Variants in KHK observed in about 807,000 individuals in gnomAD.
KHK encodes the protein ketohexokinase.
KHK carries 37 observed loss-of-function variants against 36.0 expected under a neutral mutation model. That is an observed-to-expected ratio of 1.03 (90% CI 0.79 to 1.35). The LOEUF is 1.35. Among genes scored for constraint, KHK ranks in the 40% most tolerant of loss-of-function variants. The probability of loss-of-function intolerance (pLI) is 0.00; values close to 1 mark genes in which losing one functional copy is unlikely to be tolerated. For missense variants in KHK, 395 were observed against 391.9 expected, an observed-to-expected ratio of 1.01 and a Z score of -0.07; for synonymous variants, 161 against 162.8, an observed-to-expected ratio of 0.99 and a Z score of 0.08.
In KHK at chr2:27,087,189, T is replaced by A; in HGVS notation, c.-71T>A. 7.5e-7 allele frequency: 1 copy of A among 1,334,102 alleles called. No individual in the cohort carries two copies. The highest frequency in any genetic ancestry group is 1.1e-6 in the Non-Finnish European group (1 of 951,574). The allele number at this position is 1,334,102 out of a possible 1,614,324, so 82.6% of individuals were successfully genotyped here. A position where few individuals can be genotyped will look rare whatever the true frequency, so the allele number is the denominator to read the frequency against. On this transcript the variant is annotated 5_prime_UTR_variant, in exon 1 of 8. Coordinates refer to ENST00000260598, the MANE Select transcript of KHK (RefSeq NM_006488.3). ...GCAGCTGGGAGCGGGGACACCATCC[T>A]CCTGGATAAGAGGCAGAGGCCGGGA...
At chr2:27,092,566 G>T (rs139501442) in intron 2 of KHK, 118 bp downstream of exon 2, 5 of 771,026 alleles carry the variant, frequency 6.5e-6, no homozygotes, top group African/African-American at 3.4e-5. Flanking sequence ...CAGCAGAAAC[G>T]CGGGGAGGGG....
rs886055892 is a variant in KHK at position 27,099,909 on chromosome 2, G to C, written c.*159G>C. 4.0e-6 allele frequency: 6 copies of C among 1,490,816 alleles called. No individual in the cohort carries two copies. The highest frequency in any genetic ancestry group is 2.5e-5 in the East Asian group (1 of 40,662). 92.3% of individuals were successfully genotyped at this position (1,490,816 alleles called of 1,614,324 possible). On this transcript the variant is annotated 3_prime_UTR_variant, in exon 8 of 8. Coordinates refer to ENST00000260598, the MANE Select transcript of KHK (RefSeq NM_006488.3). ...TGTCCTGTGTTCCCCACAGGGAGAG[G>C]CTCTGGGGGGATGGCTGGGGGATGC...
chr2:27,090,686 C>T (rs1669948107), intron 1 of KHK, among the ~76,000 whole-genome samples: 1 of 151,748 alleles, frequency 6.6e-6, no homozygotes, highest in African/African-American at 2.4e-5. Flanking sequence ...AACTCCTGAC[C>T]TCGTGATCCA....
rs200769127 is a variant in KHK at position 27,087,307 on chromosome 2, C to T, written c.48C>T (p.Val16=). The stretch of plus-strand genomic sequence containing the variant: ...GCGTGGGGCTAGTGGTGCTGGACGT[C>T]ATCAGCCTGGTGGACAAGTACCCTA... ...ILCVGLVVLD[V]ISLVDKYPKE... is the part of the protein sequence containing the mutation. The change falls in exon 1 of 8, where the codon GTC becomes GTT. Residue 16 remains valine, a synonymous_variant. Coordinates refer to ENST00000260598, the MANE Select transcript of KHK (RefSeq NM_006488.3). The T allele has an allele frequency of 3.7e-4, 593 of 1,601,186 alleles. No homozygotes were observed. Among genetic ancestry groups the T allele is most frequent in the Non-Finnish European group, 4.8e-4 (559 of 1,173,608 alleles).
rs1450784155 is a variant in KHK at position 27,100,724 on chromosome 2, A to AATCAT, written c.*977_*981dup. On this transcript the variant is annotated 3_prime_UTR_variant, in exon 8 of 8. Coordinates refer to ENST00000260598, the MANE Select transcript of KHK (RefSeq NM_006488.3). ...GGCTACAGAATTATTGTGAGGATAA[A>AATCAT]ATCATATATAAAATGCCCAGCATGA... The AATCAT allele has an allele frequency of 9.7e-6, 11 of 1,132,100 alleles. No homozygotes were observed. Among genetic ancestry groups the AATCAT allele is most frequent in the Non-Finnish European group, 1.2e-5 (11 of 891,180 alleles). The allele number at this position is 1,132,100 out of a possible 1,614,324, so 70.1% of individuals were successfully genotyped here.
chr2:27,097,667 CCT>C lies in KHK; in HGVS notation c.564+23_564+24del, dbSNP rs59394323. ...GAGACGTGGTGGGTGCCCCATTCAG[CCT>C]CTCTTTGCCACTTCCAGCTAATTTG... On this transcript the variant is annotated intron_variant, in intron 5 of 7. Transcript: ENST00000260598. 5,229 of 1,613,920 alleles carry C rather than the reference CCT, an allele frequency of 3.2e-3. 177 individuals carry two copies. The African/African-American group carries it at 0.063, about 19-fold the overall frequency.
chr2:27,094,936 T>C lies in KHK; in HGVS notation c.344+2T>C. The C allele has an allele frequency of 6.2e-7, 1 of 1,613,844 alleles. No individual in the cohort carries two copies. The highest frequency in any genetic ancestry group is 8.5e-7 in the Non-Finnish European group (1 of 1,180,036). On this transcript the variant is annotated splice_donor_variant, in intron 3 of 7. Transcript: ENST00000260598. LOFTEE classifies it high-confidence loss of function. ...CCGTACCATTGTGCTCCATGACACG[T>C]AAGGCCCCCGGGCCTCGCCCTGCTA...
intron 3 of KHK, among the ~76,000 whole-genome samples, chr2:27,096,007 T>C (rs776864377): frequency 6.6e-6 from 1 of 152,238 alleles, no homozygotes; most frequent in Non-Finnish European, 1.5e-5. Context: ...TGCAGCAGGC[T>C]GCAAGGGGGC....
chr2:27,099,976 C>A lies in KHK; in HGVS notation c.*226C>A, dbSNP rs1197199612. On this transcript the variant is annotated 3_prime_UTR_variant, in exon 8 of 8. Transcript: ENST00000260598. ...TAAATCTTCCTCAGAGCCAGCTTCT[C>A]CTCTCAATGTCTGAACTGCTCTGGC... The A allele has an allele frequency of 2.0e-5, 18 of 912,840 alleles. No homozygotes were observed. Among genetic ancestry groups the A allele is most frequent in the Non-Finnish European group, 3.0e-5 (18 of 591,984 alleles). The allele number at this position is 912,840 out of a possible 1,614,324, so 56.5% of individuals were successfully genotyped here. A position where few individuals can be genotyped will look rare whatever the true frequency, so the allele number is the denominator to read the frequency against.
chr2:27,092,352 A>T lies in KHK; in HGVS notation c.113A>T (p.Gln38Leu). 6.2e-7 allele frequency: 1 copy of T among 1,613,244 alleles called. No homozygotes were observed. The highest frequency in any genetic ancestry group is 8.5e-7 in the Non-Finnish European group (1 of 1,179,994). The stretch of plus-strand genomic sequence containing the variant: ...TGCAGGTGTTTGTCCCAGAGATGGC[A>T]GCGCGGAGGCAACGCGTCCAACTCC... ...SEIRCLSQRWQRGGNASNSCT... is the reference protein window; with the variant it reads ...SEIRCLSQRWLRGGNASNSCT... Residue 38 changes from glutamine to leucine, a missense_variant, in exon 2 of 8, where the codon CAG becomes CTG. Transcript: ENST00000260598.
chr2:27,099,071 G>A, intron 5 of KHK, 125 bp from the exon 6 acceptor site: 1 of 861,262 alleles, frequency 1.2e-6, no homozygotes. Context: ...GGGACAGTGA[G>A]ATGCTACGTT....
At chr2:27,087,512 A>T (rs917582678) in intron 1 of KHK, among the ~76,000 whole-genome samples, 161 bp downstream of exon 1, 3 of 152,270 alleles carry the variant, frequency 2.0e-5, no homozygotes, top group Non-Finnish European at 4.4e-5. Context: ...GGCTCCCAGC[A>T]TGACAGAAGA....
At chr2:27,093,080 G>A (rs542329470) in intron 2 of KHK, among the ~76,000 whole-genome samples, 1 of 152,302 alleles carries the variant, frequency 6.6e-6, no homozygotes, top group South Asian at 2.1e-4. Flanking sequence ...TGGCGCTGCC[G>A]ACTCAGCAAG....
intron 1 of KHK, among the ~76,000 whole-genome samples, chr2:27,090,086 A>C (rs1669898623): frequency 6.6e-6 from 1 of 152,248 alleles, no homozygotes; most frequent in South Asian, 2.1e-4. Flanking sequence ...TCCCGACGTC[A>C]GGCGATCCGC....
chr2:27,087,649 G>A (rs1452470831), intron 1 of KHK, among the ~76,000 whole-genome samples: 1 of 152,222 alleles, frequency 6.6e-6, no homozygotes, highest in Non-Finnish European at 1.5e-5. Flanking sequence ...TTACTGATAA[G>A]TATAGATTCA....
rs534398324 is a variant in KHK, at chr2:27,092,417, A to C, written c.178A>C (p.Met60Leu). 3.7e-6 allele frequency: 6 copies of C among 1,613,384 alleles called. No individual in the cohort carries two copies. In the East Asian group the frequency reaches 1.3e-4, roughly 36 times the overall value. ...LSLLGAPCAF[M>L]GSMAPGHVAD... The stretch of plus-strand genomic sequence containing the variant: ...CCTGCTCGGAGCCCCCTGTGCCTTC[A>C]TGGGCTCAATGGCTCCTGGCCATGT... Residue 60 changes from methionine to leucine, a missense_variant, in exon 2 of 8, where the codon ATG becomes CTG. By Grantham distance (15) the Met-to-Leu change is conservative. Transcript: ENST00000260598.
In KHK at chr2:27,097,765, T is replaced by C. The variant is rs1670470159; in HGVS notation, c.564+116T>C. The C allele has an allele frequency of 2.1e-6, 3 of 1,439,606 alleles. No homozygotes were observed. The Admixed American group carries it at 5.1e-5, about 25-fold the overall frequency. The allele number at this position is 1,439,606 out of a possible 1,614,324, so 89.2% of individuals were successfully genotyped here. A position where few individuals can be genotyped will look rare whatever the true frequency, so the allele number is the denominator to read the frequency against. On this transcript the variant is annotated intron_variant, in intron 5 of 7. Coordinates refer to ENST00000260598, the MANE Select transcript of KHK (RefSeq NM_006488.3). ...GGAATAGTGGTTCCTGGTTTGGTGG[T>C]GTTTGAAGATGGGGGATGGGGGTTA... is the stretch of plus-strand genomic sequence containing the variant.
chr2:27,089,442 C>T (rs1422091516), intron 1 of KHK, among the ~76,000 whole-genome samples: 2 of 152,156 alleles, frequency 1.3e-5, no homozygotes, highest in Non-Finnish European at 2.9e-5. Flanking sequence ...CTCCAAGGAC[C>T]GTGGAGAGCC....
Position 27,099,843 on chromosome 2 carries a change from G to A in KHK, c.*93G>A, listed in dbSNP as rs1670695784. On this transcript the variant is annotated 3_prime_UTR_variant, in exon 8 of 8. Coordinates refer to ENST00000260598, the MANE Select transcript of KHK (RefSeq NM_006488.3). ...TCCAGCCTGGCGTCCAGGTTGCCCTGTTCAGGGGACAGATGCAAGCTGTGG... is the reference window on the plus strand; with the variant it reads ...TCCAGCCTGGCGTCCAGGTTGCCCTATTCAGGGGACAGATGCAAGCTGTGG... 6.4e-7 allele frequency: 1 copy of A among 1,556,914 alleles called. No homozygotes were observed. The highest frequency in any genetic ancestry group is 8.7e-7 in the Non-Finnish European group (1 of 1,150,608).
Sources: gnomAD v4.1 joint callset for allele counts (sites outside exome capture counted in the v4.1 genomes callset) on GRCh38, gnomAD v4.1.1 for gene constraint, MANE v1.5 for transcripts, NCBI Gene and HGNC (gene_info 2026-07-23, HGNC 2026-07-21) for gene names.